GPM6B: variants seen among roughly 807,000 people sequenced by gnomAD.
The protein encoded by GPM6B is neuronal membrane glycoprotein M6-b.
GPM6B carries 4 observed loss-of-function variants against 27.2 expected under a neutral mutation model. That is an observed-to-expected ratio of 0.15 (90% CI 0.07 to 0.34). GPM6B has a LOEUF of 0.34. Ranked by LOEUF, GPM6B falls within the 10% of genes least tolerant of loss-of-function variation. The pLI is 1.00. For missense variants in GPM6B, 183 were observed against 261.9 expected (o/e 0.70, Z 2.08); for synonymous variants, 124 against 103.1 (o/e 1.20, Z -1.23).
chrX:13,908,859 G>A (rs910564418), intron 1 of GPM6B, among the ~76,000 whole-genome samples: 1 of 112,213 alleles, frequency 8.9e-6, no homozygotes, highest in Non-Finnish European at 1.9e-5. Flanking sequence ...AAACATTTTC[G>A]TTCTTCATGT....
At chrX:13,792,843 T>C (rs1251739208) in intron 2 of GPM6B, among the ~76,000 whole-genome samples, 2 of 104,360 alleles carry the variant, frequency 1.9e-5, no homozygotes, top group African/African-American at 7.1e-5. Flanking sequence ...GAGGTGGCAG[T>C]GAGCTGAGAT....
rs954521720 is a variant in GPM6B at position 13,772,593 on chromosome X, C to T, written c.*288G>A. 1.9e-5 allele frequency: 5 copies of T among 263,017 alleles called. No homozygotes were observed. Among genetic ancestry groups the T allele is most frequent in the East Asian group, 1.3e-4 (2 of 15,509 alleles). 21.7% of individuals were successfully genotyped at this position (263,017 alleles called of 1,213,427 possible). Reference sequence around the variant, plus strand: ...CCATTGAGTGTCTTGGTAGAATTGCCCTAGCAATAAATGTGAACATGCCAC... The same window carrying T: ...CCATTGAGTGTCTTGGTAGAATTGCTCTAGCAATAAATGTGAACATGCCAC... On this transcript the variant is annotated 3_prime_UTR_variant, in exon 8 of 8. Coordinates refer to ENST00000316715, the MANE Select transcript of GPM6B (RefSeq NM_001001995.3).
intron 1 of GPM6B, among the ~76,000 whole-genome samples, chrX:13,919,045 G>A (rs935729862): frequency 9.0e-6 from 1 of 111,520 alleles, no homozygotes. Context: ...GGTCAATTGC[G>A]GCCAAAGTTT....
intron 1 of GPM6B, among the ~76,000 whole-genome samples, chrX:13,858,284 T>C (rs2049804415): frequency 8.9e-6 from 1 of 111,987 alleles, no homozygotes; most frequent in Non-Finnish European, 1.9e-5. Flanking sequence ...CAGCCACCTC[T>C]GGATCTTCTG....
At chrX:13,813,790 C>T (rs1416640738) in intron 1 of GPM6B, among the ~76,000 whole-genome samples, 1 of 112,204 alleles carries the variant, frequency 8.9e-6, no homozygotes, top group African/African-American at 3.2e-5. Context: ...ATTTCCTCTG[C>T]TTATTCCATG....
intron 1 of GPM6B, among the ~76,000 whole-genome samples, chrX:13,842,013 T>A (rs761723548): frequency 8.9e-6 from 1 of 112,388 alleles, no homozygotes; most frequent in East Asian, 2.8e-4. Context: ...ATTCTCACCA[T>A]GTCATAGGTC....
At chrX:13,777,447 G>C (rs1458050002) in intron 5 of GPM6B, 22 bp from the exon 6 acceptor site, 5 of 1,063,021 alleles carry the variant, frequency 4.7e-6, no homozygotes, top group South Asian at 1.9e-5. Context: ...ACCCCAATAG[G>C]ATGTTAGTAC....
At chrX:13,816,772 A>C in intron 1 of GPM6B, 72 bp downstream of exon 1, 1 of 1,117,508 alleles carries the variant, frequency 8.9e-7, no homozygotes. Flanking sequence ...AGAGAGACAA[A>C]ACCCAGCTAA....
Position 13,807,621 on chromosome X carries a change from A to G in GPM6B, c.181+29T>C, listed in dbSNP as rs201744393. The G allele has an allele frequency of 7.3e-6, 8 of 1,100,591 alleles. No homozygotes were observed. The Admixed American group carries it at 1.6e-4, about 22-fold the overall frequency. The allele number at this position is 1,100,591 out of a possible 1,213,427, so 90.7% of individuals were successfully genotyped here. ...TATTAAAGATAACAGTTGACTTGCT[A>G]TTAGAATTCACCCCAAGGCTGTATT... On this transcript the variant is annotated intron_variant, in intron 2 of 7. Transcript: ENST00000316715.
rs79605759 is a variant in GPM6B at position 13,851,928 on chromosome X, A to T, written c.-197-66120T>A. 1.8e-4 allele frequency among the ~76,000 whole-genome samples: 20 copies of T among 109,484 alleles called. No homozygotes were observed. The East Asian group carries it at 5.7e-3, about 31-fold the overall frequency. ...CCCCTGACCCCCCAGCAATCACGTAACATGAGTTTGCTCAGAGTTTATAAA... is the reference window on the plus strand; with the variant it reads ...CCCCTGACCCCCCAGCAATCACGTATCATGAGTTTGCTCAGAGTTTATAAA... On this transcript the variant is annotated intron_variant, in intron 1 of 6. Coordinates refer to the GPM6B transcript ENST00000398361.
chrX:13,931,714 T>C (rs1429088589), intron 1 of GPM6B, among the ~76,000 whole-genome samples: 3 of 111,475 alleles, frequency 2.7e-5, no homozygotes, highest in African/African-American at 9.8e-5. Flanking sequence ...TTCATTTATA[T>C]GTGTCCATTT....
chrX:13,832,770 T>G (rs887642266), intron 1 of GPM6B, among the ~76,000 whole-genome samples: 1 of 111,955 alleles, frequency 8.9e-6, no homozygotes, highest in African/African-American at 3.2e-5. Flanking sequence ...CTTTGAAAAT[T>G]GAAAAGCATT....
intron 1 of GPM6B, among the ~76,000 whole-genome samples, chrX:13,877,839 A>G (rs2050053486): frequency 9.5e-6 from 1 of 105,723 alleles, no homozygotes; most frequent in African/African-American, 3.5e-5. Context: ...AAAAAAAAAA[A>G]AAAAAAAAAA....
intron 1 of GPM6B, among the ~76,000 whole-genome samples, chrX:13,911,465 G>A (rs1294161530): frequency 3.6e-5 from 4 of 112,059 alleles, no homozygotes; most frequent in African/African-American, 1.3e-4. Flanking sequence ...GTAGTCTCAA[G>A]CCACATGCCA....
chrX:13,920,289 GAAAGAAAGAAAGAAAAAA>G (rs1569306663), intron 1 of GPM6B, among the ~76,000 whole-genome samples: 1 of 69,922 alleles, frequency 1.4e-5, no homozygotes, highest in African/African-American at 6.0e-5. Context: ...AAAAAAAAAA[GAAAGAAAGAAAGAAAAAA>G]AAAGAAAGAA....
intron 1 of GPM6B, among the ~76,000 whole-genome samples, chrX:13,912,090 C>G (rs781273909): frequency 1.5e-4 from 17 of 112,085 alleles, no homozygotes; most frequent in African/African-American, 5.5e-4. Flanking sequence ...TGTCCTACCA[C>G]TATTTTCTTT....
At chrX:13,899,555 T>C (rs1181403090) in intron 1 of GPM6B, among the ~76,000 whole-genome samples, 2 of 110,164 alleles carry the variant, frequency 1.8e-5, no homozygotes, top group Non-Finnish European at 3.8e-5. Context: ...ATGGATGGAT[T>C]GTCAGCAGCA....
chrX:13,879,559 A>G (rs1217366934), intron 1 of GPM6B, among the ~76,000 whole-genome samples: 3 of 112,465 alleles, frequency 2.7e-5, no homozygotes, highest in African/African-American at 9.7e-5. Context: ...ATACAGCAGC[A>G]TCCAACAAAA....
chrX:13,816,940 C>G lies in GPM6B; in HGVS notation c.-36G>C, dbSNP rs1216263360. ...AAAAATGCTTTTCCCCCTGTTCCCCCCAACACACACTTGTTTTTCCTCCTC... is the reference window on the plus strand; with the variant it reads ...AAAAATGCTTTTCCCCCTGTTCCCCGCAACACACACTTGTTTTTCCTCCTC... On this transcript the variant is annotated 5_prime_UTR_variant, in exon 1 of 8. Coordinates refer to ENST00000316715, the MANE Select transcript of GPM6B (RefSeq NM_001001995.3). 9.4e-6 allele frequency: 11 copies of G among 1,169,992 alleles called. No homozygotes were observed. In the East Asian group the frequency reaches 2.8e-4, roughly 29 times the overall value.
Sources: gnomAD v4.1 joint callset for allele counts (sites outside exome capture counted in the v4.1 genomes callset) on GRCh38, gnomAD v4.1.1 for gene constraint, MANE v1.5 for transcripts, NCBI Gene and HGNC (gene_info 2026-07-23, HGNC 2026-07-21) for gene names.